RAB15: variants seen among roughly 807,000 people sequenced by gnomAD.
RAB15 encodes RAB15, member RAS oncogene family, also known as ras-related protein Rab-15.
In RAB15, 13 loss-of-function variants were observed where a neutral mutation model predicts 31.8. The observed-to-expected ratio is 0.41, with a 90% confidence interval of 0.27 to 0.65. RAB15 has a LOEUF of 0.65. Ranked by LOEUF, RAB15 falls within the 30% of genes least tolerant of loss-of-function variation. The pLI, the probability that RAB15 is intolerant of heterozygous loss-of-function variation, is 0.32. For missense variants in RAB15, 220 were observed against 277.3 expected, an observed-to-expected ratio of 0.79 and a Z score of 1.47; for synonymous variants, 100 against 105.6, an observed-to-expected ratio of 0.95 and a Z score of 0.33.
At position 64,952,176 on chromosome 14, in the gene RAB15, G is replaced by T. The variant is rs1244738662; in HGVS notation, c.185+335C>A. ...ACTCTCTCAGGGTCTCGCCCTAAATGATGGGGGGTGTAGCCTCCTTCCTTC... is the reference window on the plus strand; with the variant it reads ...ACTCTCTCAGGGTCTCGCCCTAAATTATGGGGGGTGTAGCCTCCTTCCTTC... On this transcript the variant is annotated intron_variant, in intron 2 of 6. Transcript: ENST00000533601. The surrounding 1 kb of genome is among the most constrained non-coding windows in gnomAD (Gnocchi z 4.2). Among the ~76,000 whole-genome samples the T allele has an allele frequency of 6.6e-6, 1 of 152,176 alleles. No individual in the cohort carries two copies. The highest frequency in any genetic ancestry group is 2.4e-5 in the African/African-American group (1 of 41,440).
Position 64,971,957 on chromosome 14 carries a change from G to C in RAB15, c.120C>G (p.Thr40=). Residue 40 remains threonine (T), a synonymous_variant, in exon 1 of 7, where the codon ACC becomes ACG. Transcript: ENST00000533601. The surrounding 1 kb of genome is among the most constrained non-coding windows in gnomAD (Gnocchi z 4.1). ...DNEFHSSHIS[T]IGVDFKMKTI... ...CCCCGGGCCACCGCCCCTTACCGAT[G>C]GTGGAGATGTGCGAGGAGTGGAACT... 1 of 1,576,478 alleles carries C rather than the reference G, an allele frequency of 6.3e-7. No individual in the cohort carries two copies. The highest frequency in any genetic ancestry group is 8.6e-7 in the Non-Finnish European group (1 of 1,161,694).
At chr14:64,961,134 A>C (rs1886830989) in intron 1 of RAB15, among the ~76,000 whole-genome samples, 1 of 152,150 alleles carries the variant, frequency 6.6e-6, no homozygotes, top group African/African-American at 2.4e-5. Context: ...GAACAACCTA[A>C]TACACCTGAA....
Position 64,951,504 on chromosome 14 carries a change from C to G in RAB15, c.246+99G>C, listed in dbSNP as rs1886247516. 1 of 1,112,626 alleles carries G rather than the reference C, an allele frequency of 9.0e-7. No homozygotes were observed. Among genetic ancestry groups the G allele is most frequent in the Non-Finnish European group, 1.4e-6 (1 of 721,904 alleles). 68.9% of individuals were successfully genotyped at this position (1,112,626 alleles called of 1,614,324 possible). ...CCCTGCGCTCCTCCAAGCAGGCGAA[C>G]TGTATTTAGGGGATCCGTGGCACAG... On this transcript the variant is annotated intron_variant, in intron 3 of 6. Coordinates refer to ENST00000533601, the MANE Select transcript of RAB15 (RefSeq NM_001308154.2). This position sits in a 1 kb window ranked among gnomAD's most constrained non-coding sequence, Gnocchi z 7.2.
rs563665999 is a variant in RAB15 at position 64,962,053 on chromosome 14, A to G, written c.125-9482T>C. 2.6e-4 allele frequency among the ~76,000 whole-genome samples: 40 copies of G among 152,222 alleles called. No individual in the cohort carries two copies. The highest frequency in any genetic ancestry group is 9.6e-4 in the African/African-American group (40 of 41,538). On this transcript the variant is annotated intron_variant, in intron 1 of 6. Transcript: ENST00000533601. This position sits in a 1 kb window ranked among gnomAD's most constrained non-coding sequence, Gnocchi z 4.2. Reference sequence around the variant, plus strand: ...AACATGGTGAAACCTTGTCTCTACTAAAAATACAAAAATTAGCTGGTCGTG... The same window carrying G: ...AACATGGTGAAACCTTGTCTCTACTGAAAATACAAAAATTAGCTGGTCGTG...
At position 64,955,808 on chromosome 14, in the gene RAB15, T is replaced by C. The variant is rs919338774; in HGVS notation, c.125-3237A>G. On this transcript the variant is annotated intron_variant, in intron 1 of 6. Coordinates refer to ENST00000533601, the MANE Select transcript of RAB15 (RefSeq NM_001308154.2). The surrounding 1 kb of genome is among the most constrained non-coding windows in gnomAD (Gnocchi z 4.4). The stretch of plus-strand genomic sequence containing the variant: ...GTGCACACCCAGAGAGTCAGCCCTT[T>C]TTGTTGCATCTTTAGTATCCGTGAG... Among the ~76,000 whole-genome samples the C allele has an allele frequency of 6.6e-6, 1 of 152,236 alleles. No individual in the cohort carries two copies.
At position 64,971,809 on chromosome 14, in the gene RAB15, C is replaced by T. The variant is rs1013573463; in HGVS notation, c.124+144G>A. ...TCACCTGCCAAAACCTATGCTCACC[C>T]CGAGATTTATCCCGGACTCCGGCCT... On this transcript the variant is annotated intron_variant, in intron 1 of 6. Coordinates refer to ENST00000533601, the MANE Select transcript of RAB15 (RefSeq NM_001308154.2). This position sits in a 1 kb window ranked among gnomAD's most constrained non-coding sequence, Gnocchi z 4.1. 1 of 786,212 alleles carries T rather than the reference C, an allele frequency of 1.3e-6. No homozygotes were observed. Among genetic ancestry groups the T allele is most frequent in the Admixed American group, 2.6e-5 (1 of 38,588 alleles). The allele number at this position is 786,212 out of a possible 1,614,324, so 48.7% of individuals were successfully genotyped here.
At chr14:64,949,866 T>A (rs1479494279) in intron 5 of RAB15, among the ~76,000 whole-genome samples, 1 of 152,122 alleles carries the variant, frequency 6.6e-6, no homozygotes, top group Non-Finnish European at 1.5e-5. Flanking sequence ...TCTCCAGCTG[T>A]GGCTCTTTGT....
intron 1 of RAB15, among the ~76,000 whole-genome samples, chr14:64,960,671 G>C (rs1169619832): frequency 6.6e-6 from 1 of 152,152 alleles, no homozygotes; most frequent in Admixed American, 6.5e-5. Context: ...TTTATTAAAT[G>C]TTAGCAGAAG....
chr14:64,948,099 G>T lies in RAB15; in HGVS notation c.*255C>A, dbSNP rs1886014364. 3 of 423,362 alleles carry T rather than the reference G, an allele frequency of 7.1e-6. No individual in the cohort carries two copies. The highest frequency in any genetic ancestry group is 4.2e-5 in the Admixed American group (1 of 23,748). 26.2% of individuals were successfully genotyped at this position (423,362 alleles called of 1,614,324 possible). On this transcript the variant is annotated 3_prime_UTR_variant, in exon 7 of 7. Coordinates refer to ENST00000533601, the MANE Select transcript of RAB15 (RefSeq NM_001308154.2). This position sits in a 1 kb window ranked among gnomAD's most constrained non-coding sequence, Gnocchi z 7.0. ...GGTGAGACAGTGCTTGCGGCACATC[G>T]TGGGGGTCGTAGCAGGCCTGTGGCT...
intron 1 of RAB15, among the ~76,000 whole-genome samples, chr14:64,966,749 G>A (rs1162153713): frequency 2.0e-5 from 3 of 152,184 alleles, no homozygotes; most frequent in African/African-American, 7.2e-5. Flanking sequence ...AAGGCCATGG[G>A]AAATGTGCAT....
At position 64,948,749 on chromosome 14, in the gene RAB15, AT is replaced by A; in HGVS notation, c.415-17del. The A allele has an allele frequency of 6.2e-7, 1 of 1,609,470 alleles. No individual in the cohort carries two copies. Among genetic ancestry groups the A allele is most frequent in the Non-Finnish European group, 8.5e-7 (1 of 1,177,194 alleles). ...CCTTCGCCAGCTGCAAGAGAAGGAC[AT>A]TTCTGAAAGAGAGTCAGTAAGGCAG... On this transcript the variant is annotated splice_polypyrimidine_tract_variant and intron_variant, in intron 5 of 6. Transcript: ENST00000533601. This position sits in a 1 kb window ranked among gnomAD's most constrained non-coding sequence, Gnocchi z 7.0.
In RAB15 at chr14:64,968,807, C is replaced by G. The variant is rs1190277569; in HGVS notation, c.124+3146G>C. Among the ~76,000 whole-genome samples the G allele has an allele frequency of 6.6e-6, 1 of 152,188 alleles. No homozygotes were observed. Among genetic ancestry groups the G allele is most frequent in the African/African-American group, 2.4e-5 (1 of 41,444 alleles). On this transcript the variant is annotated intron_variant, in intron 1 of 6. Coordinates refer to ENST00000533601, the MANE Select transcript of RAB15 (RefSeq NM_001308154.2). This position sits in a 1 kb window ranked among gnomAD's most constrained non-coding sequence, Gnocchi z 4.9. ...TCGCACCAACCCCCAGCCAGGCCAGCACAGCTGCACAGAAAGGAAATGCCT... is the reference window on the plus strand; with the variant it reads ...TCGCACCAACCCCCAGCCAGGCCAGGACAGCTGCACAGAAAGGAAATGCCT...
rs569088927 is a variant in RAB15 at position 64,971,273 on chromosome 14, C to A, written c.124+680G>T. On this transcript the variant is annotated intron_variant, in intron 1 of 6. Transcript: ENST00000533601. This position sits in a 1 kb window ranked among gnomAD's most constrained non-coding sequence, Gnocchi z 4.1. ...CTGCCAGATGAGAGATGCCCTCAGG[C>A]GGGTCCTGCCTGCCTTCTGACCCCT... 6.6e-6 allele frequency among the ~76,000 whole-genome samples: 1 copy of A among 152,212 alleles called. No individual in the cohort carries two copies. Among genetic ancestry groups the A allele is most frequent in the African/African-American group, 2.4e-5 (1 of 41,450 alleles).
At position 64,955,469 on chromosome 14, in the gene RAB15, C is replaced by G. The variant is rs1392510157; in HGVS notation, c.125-2898G>C. Among the ~76,000 whole-genome samples the G allele has an allele frequency of 2.0e-5, 3 of 152,370 alleles. No homozygotes were observed. Among genetic ancestry groups the G allele is most frequent in the Non-Finnish European group, 2.9e-5 (2 of 68,040 alleles). On this transcript the variant is annotated intron_variant, in intron 1 of 6. Coordinates refer to ENST00000533601, the MANE Select transcript of RAB15 (RefSeq NM_001308154.2). This position sits in a 1 kb window ranked among gnomAD's most constrained non-coding sequence, Gnocchi z 4.4. ...AGCACTGCAGGACAAAGTCAACACA[C>G]TGGCCTTATTGAGGCCTCTGCAGAC... is the stretch of plus-strand genomic sequence containing the variant.
In RAB15 at chr14:64,955,942, A is replaced by T. The variant is rs1342171100; in HGVS notation, c.125-3371T>A. ...GTGCATGAGAATCACGCGGGGATTGAGTTAAAATGCAGATTCTGATCTGGT... is the reference window on the plus strand; with the variant it reads ...GTGCATGAGAATCACGCGGGGATTGTGTTAAAATGCAGATTCTGATCTGGT... On this transcript the variant is annotated intron_variant, in intron 1 of 6. Transcript: ENST00000533601. The surrounding 1 kb of genome is among the most constrained non-coding windows in gnomAD (Gnocchi z 4.4). Among the ~76,000 whole-genome samples, 1 of 152,176 alleles carries T rather than the reference A, an allele frequency of 6.6e-6. No homozygotes were observed. Among genetic ancestry groups the T allele is most frequent in the Non-Finnish European group, 1.5e-5 (1 of 68,022 alleles).
chr14:64,972,198 G>T lies in RAB15; in HGVS notation c.-122C>A. The T allele has an allele frequency of 2.7e-6, 2 of 733,334 alleles. No homozygotes were observed. Among genetic ancestry groups the T allele is most frequent in the Non-Finnish European group, 3.4e-6 (2 of 594,896 alleles). The allele number at this position is 733,334 out of a possible 1,614,324, so 45.4% of individuals were successfully genotyped here. On this transcript the variant is annotated 5_prime_UTR_variant, in exon 1 of 7. Coordinates refer to ENST00000533601, the MANE Select transcript of RAB15 (RefSeq NM_001308154.2). This position sits in a 1 kb window ranked among gnomAD's most constrained non-coding sequence, Gnocchi z 6.3. ...GGGCGGCGAGGAGGACGCCGGGCCC[G>T]GCCCCCGCGGCTGCCTCGCCCGCCC... is the stretch of plus-strand genomic sequence containing the variant.
In RAB15 at chr14:64,963,167, G is replaced by A. The variant is rs552665785; in HGVS notation, c.124+8786C>T. Among the ~76,000 whole-genome samples, 170 of 136,490 alleles carry A rather than the reference G, an allele frequency of 1.2e-3. 1 individual carries two copies. The highest frequency in any genetic ancestry group is 7.0e-4 in the Non-Finnish European group (46 of 65,874). The allele number at this position is 136,490 out of a possible 152,430, so 89.5% of individuals were successfully genotyped here. On this transcript the variant is annotated intron_variant, in intron 1 of 6. Transcript: ENST00000533601. Reference sequence around the variant, plus strand: ...AGGGTCTCACTCTGTCACCCAGGCTGGAGTACAGTGGTACGATCTCGGCTC... The same window carrying A: ...AGGGTCTCACTCTGTCACCCAGGCTAGAGTACAGTGGTACGATCTCGGCTC...
intron 1 of RAB15, among the ~76,000 whole-genome samples, chr14:64,956,237 C>G (rs1426806566): frequency 6.6e-6 from 1 of 151,894 alleles, no homozygotes; most frequent in Non-Finnish European, 1.5e-5. Context: ...ACCCCCGTCT[C>G]TACTAAAAAT....
chr14:64,969,764 G>A lies in RAB15; in HGVS notation c.124+2189C>T, dbSNP rs182765070. Among the ~76,000 whole-genome samples, 17 of 152,322 alleles carry A rather than the reference G, an allele frequency of 1.1e-4. No individual in the cohort carries two copies. In the East Asian group the frequency reaches 3.3e-3, roughly 29 times the overall value. ...CTGATTCACCTATGTGCCCAAAGTG[G>A]TCTGCCCTGGAGGGTTTCAGGAAGT... On this transcript the variant is annotated intron_variant, in intron 1 of 6. Transcript: ENST00000533601.
Sources: allele counts gnomAD v4.1 joint callset (sites outside exome capture counted in the v4.1 genomes callset), GRCh38; gene constraint gnomAD v4.1.1; non-coding constraint Gnocchi (gnomAD v3.1); transcripts MANE v1.5; gene names NCBI Gene and HGNC (gene_info 2026-07-23, HGNC 2026-07-21).